The following COL5A3 variants were observed in gnomAD, a reference collection of about 807,000 sequenced individuals.
COL5A3 encodes the protein collagen type V alpha 3 chain.
In COL5A3, 172 loss-of-function variants were observed where a neutral mutation model predicts 250.0. That is an observed-to-expected ratio of 0.69 (90% CI 0.61 to 0.78). COL5A3 has a LOEUF of 0.78. Ranked by LOEUF, COL5A3 falls within the 30% of genes least tolerant of loss-of-function variation. The pLI is 0.00. For synonymous variants in COL5A3, 937 were observed against 900.4 expected (o/e 1.04, Z -0.73); for missense variants, 2,340 against 2,334.4 (o/e 1.00, Z -0.05).
intron 15 of COL5A3, 113 bp from the exon 16 acceptor site, chr19:9,995,730 A>G: frequency 2.6e-6 from 2 of 767,130 alleles, no homozygotes; most frequent in Non-Finnish European, 4.1e-6. Flanking sequence ...CAGGCCAGAC[A>G]CCTGGGCTCA....
chr19:9,977,975 T>TATATATATAC (rs2086949017), intron 41 of COL5A3, among the ~76,000 whole-genome samples: 1 of 94,682 alleles, frequency 1.1e-5, no homozygotes, highest in Non-Finnish European at 2.3e-5. Flanking sequence ...TATATATATA[T>TATATATATAC]ATATATATAT....
At chr19:9,983,453 G>A (rs8105511) in intron 31 of COL5A3, among the ~76,000 whole-genome samples, 4,436 of 151,200 alleles carry the variant, frequency 0.029, 208 homozygotes, top group African/African-American at 0.1. Context: ...AGCTATGATC[G>A]CACTATTGCA....
chr19:9,973,116 G>C (rs1392543519), intron 50 of COL5A3, 90 bp from the exon 51 acceptor site: 1 of 1,227,166 alleles, frequency 8.1e-7, no homozygotes, highest in Non-Finnish European at 1.1e-6. Flanking sequence ...GGGGTGGTCT[G>C]GGACTTTTCT....
Position 9,986,366 on chromosome 19 carries a change from C to A in COL5A3, c.2301G>T (p.Gly767=). Residue 767 remains glycine, a synonymous_variant, in exon 30 of 67, where the codon GGG becomes GGT. Transcript: ENST00000264828. ...RGEDGPEGPK[G]QAGQAGEEGP... ...CCTCCTCGCCAGCCTGCCCCGCCTG[C>A]CCCTTCGGCCCCTCAGGACCATCCT... 1 of 1,604,356 alleles carries A rather than the reference C, an allele frequency of 6.2e-7. No homozygotes were observed. The highest frequency in any genetic ancestry group is 8.5e-7 in the Non-Finnish European group (1 of 1,178,112).
chr19:9,993,297 A>T, intron 19 of COL5A3, 83 bp downstream of exon 19: 1 of 1,478,210 alleles, frequency 6.8e-7, no homozygotes, highest in Non-Finnish European at 9.4e-7. Flanking sequence ...GGCCACTGAG[A>T]CCTCCAGATC....
intron 11 of COL5A3, 76 bp from the exon 12 acceptor site, chr19:9,996,765 A>T: frequency 8.9e-7 from 1 of 1,129,742 alleles, no homozygotes; most frequent in South Asian, 1.5e-5. Context: ...GGAGGCACAG[A>T]AGGATGAGTC....
intron 65 of COL5A3, among the ~76,000 whole-genome samples, chr19:9,962,383 C>T (rs1275549146): frequency 6.6e-6 from 1 of 152,206 alleles, no homozygotes; most frequent in Admixed American, 6.6e-5. Flanking sequence ...GCTGGAATTA[C>T]AGGCCACTGT....
intron 8 of COL5A3, among the ~76,000 whole-genome samples, chr19:10,000,380 C>T (rs1011856037): frequency 5.3e-5 from 8 of 151,110 alleles, no homozygotes; most frequent in African/African-American, 1.9e-4. Context: ...GTCCCGACTG[C>T]AGATTGCGGG....
In COL5A3 at chr19:9,991,466, T is replaced by G. The variant is rs1414368510; in HGVS notation, c.1992+144A>C. ...CCAATCCTTCCCCAACAAGGACACTTTGTATCTCCGGGCTGGCTTAGGGAA... is the reference window on the plus strand; with the variant it reads ...CCAATCCTTCCCCAACAAGGACACTGTGTATCTCCGGGCTGGCTTAGGGAA... On this transcript the variant is annotated intron_variant, in intron 24 of 66. Coordinates refer to ENST00000264828, the MANE Select transcript of COL5A3 (RefSeq NM_015719.4). 18 of 658,056 alleles carry G rather than the reference T, an allele frequency of 2.7e-5. No individual in the cohort carries two copies. The South Asian group carries it at 4.1e-4, about 15-fold the overall frequency. The allele number at this position is 658,056 out of a possible 1,614,324, so 40.8% of individuals were successfully genotyped here. A position where few individuals can be genotyped will look rare whatever the true frequency, so the allele number is the denominator to read the frequency against.
intron 31 of COL5A3, among the ~76,000 whole-genome samples, chr19:9,983,678 G>A (rs945182261): frequency 1.4e-3 from 168 of 119,848 alleles, no homozygotes; most frequent in African/African-American, 5.9e-3. Flanking sequence ...AAAGAAAAAA[G>A]AAGAAAGAAA....
chr19:9,968,259 TC>T lies in COL5A3; in HGVS notation c.4314+125del. ...TCCAACTTGCCAGTTCCCAGATACA[TC>T]CCCCTATTTTCCCCACACACACCCT... On this transcript the variant is annotated intron_variant, in intron 59 of 66. Transcript: ENST00000264828. This position sits in a 1 kb window ranked among gnomAD's most constrained non-coding sequence, Gnocchi z 4.1. 1.0e-6 allele frequency: 1 copy of T among 981,422 alleles called. No individual in the cohort carries two copies. 60.8% of individuals were successfully genotyped at this position (981,422 alleles called of 1,614,324 possible).
At position 9,991,894 on chromosome 19, in the gene COL5A3, C is replaced by T. The variant is rs181089049; in HGVS notation, c.1894-53G>A. On this transcript the variant is annotated intron_variant, in intron 22 of 66. Coordinates refer to ENST00000264828, the MANE Select transcript of COL5A3 (RefSeq NM_015719.4). ...GCTAAGAGGGGTCATGGTGTTGGGG[C>T]GTTAGTGAAATTGACTTGGGGGGGG... is the stretch of plus-strand genomic sequence containing the variant. The T allele has an allele frequency of 2.7e-3, 4,309 of 1,583,308 alleles. 17 individuals are homozygous for T. The highest frequency in any genetic ancestry group is 2.7e-3 in the Non-Finnish European group (3,063 of 1,155,760).
At position 9,970,936 on chromosome 19, in the gene COL5A3, C is replaced by G. The variant is rs1252754134; in HGVS notation, c.3882+39G>C. 5 of 1,502,046 alleles carry G rather than the reference C, an allele frequency of 3.3e-6. No homozygotes were observed. The South Asian group carries it at 5.3e-5, about 16-fold the overall frequency. The allele number at this position is 1,502,046 out of a possible 1,614,324, so 93.0% of individuals were successfully genotyped here. On this transcript the variant is annotated intron_variant, in intron 53 of 66. Coordinates refer to ENST00000264828, the MANE Select transcript of COL5A3 (RefSeq NM_015719.4). Reference sequence around the variant, plus strand: ...ATTCACTCACTCATTAGCTCCCCAACCCCCGCCTCAGCACCACACCCTCTG... The same window carrying G: ...ATTCACTCACTCATTAGCTCCCCAAGCCCCGCCTCAGCACCACACCCTCTG...
intron 4 of COL5A3, 85 bp downstream of exon 4, chr19:10,005,473 C>T: frequency 7.2e-7 from 1 of 1,390,360 alleles, no homozygotes; most frequent in East Asian, 2.3e-5. Flanking sequence ...TTGACATCTT[C>T]CTTCTTTAAT....
At position 10,001,750 on chromosome 19, in the gene COL5A3, C is replaced by A; in HGVS notation, c.963+18G>T. 1.2e-6 allele frequency: 2 copies of A among 1,613,536 alleles called. No homozygotes were observed. Among genetic ancestry groups the A allele is most frequent in the Non-Finnish European group, 1.7e-6 (2 of 1,179,486 alleles). On this transcript the variant is annotated intron_variant, in intron 7 of 66. Transcript: ENST00000264828. ...CCCCGTAACCCTTGGGGTCTCCCCT[C>A]TTCCATCCCCATCCAACCTCTAGGA...
Position 9,996,464 on chromosome 19 carries a change from G to C in COL5A3, c.1391C>G (p.Ala464Gly). ...FKGPPVSFQQ[A>G]QAQAVLQQTQ... is the part of the protein sequence containing the mutation. ...CTGCTGCAGAACTGCCTGAGCCTGGGCCTGCTGGAATGAGACTGGGGGGCC... is the reference window on the plus strand; with the variant it reads ...CTGCTGCAGAACTGCCTGAGCCTGGCCCTGCTGGAATGAGACTGGGGGGCC... Residue 464 changes from alanine to glycine, a missense_variant, in exon 13 of 67, where the codon GCC (alanine) becomes GGC (glycine). By Grantham distance (60) the Ala-to-Gly change is moderately conservative. Coordinates refer to ENST00000264828, the MANE Select transcript of COL5A3 (RefSeq NM_015719.4). The C allele has an allele frequency of 1.2e-6, 2 of 1,614,066 alleles. No homozygotes were observed. The highest frequency in any genetic ancestry group is 1.7e-6 in the Non-Finnish European group (2 of 1,180,010).
At chr19:9,972,866 G>T in intron 51 of COL5A3, 53 bp downstream of exon 51, 3 of 1,340,512 alleles carry the variant, frequency 2.2e-6, no homozygotes, top group Non-Finnish European at 3.0e-6. Context: ...AGAGCTTCAA[G>T]TACATTCAAG....
intron 57 of COL5A3, chr19:9,969,013 C>T: frequency 1.7e-6 from 1 of 582,152 alleles, no homozygotes; most frequent in South Asian, 2.2e-5. Context: ...GATGAAGGGT[C>T]AGTGTGGTCA....
intron 4 of COL5A3, among the ~76,000 whole-genome samples, chr19:10,005,167 G>A (rs1429001826): frequency 6.6e-6 from 1 of 152,102 alleles, no homozygotes; most frequent in East Asian, 1.9e-4. Context: ...GACCAGCTTG[G>A]CCAACGTGTC....
Sources: allele counts gnomAD v4.1 joint callset (sites outside exome capture counted in the v4.1 genomes callset), GRCh38; gene constraint gnomAD v4.1.1; non-coding constraint Gnocchi (gnomAD v3.1); transcripts MANE v1.5; gene names NCBI Gene and HGNC (gene_info 2026-07-23, HGNC 2026-07-21).